The following DNAH5 variants were observed in gnomAD, a reference collection of about 807,000 sequenced individuals.
DNAH5 encodes axonemal beta dynein heavy chain 5.
A neutral mutation model predicts 518.2 loss-of-function variants in DNAH5; 372 were observed. The observed-to-expected ratio is 0.72, with a 90% CI of 0.66 to 0.78. The LOEUF is 0.78. DNAH5 is among the 30% of genes least tolerant of loss of function. DNAH5 has a pLI of 0.00. For synonymous variants in DNAH5, 2,039 were observed against 2,025.9 expected, an observed-to-expected ratio of 1.01 and a Z score of -0.17; for missense variants, 5,523 against 5,687.0, an observed-to-expected ratio of 0.97 and a Z score of 0.93.
chr5:13,814,226 T>C (rs1348728231), intron 43 of DNAH5, among the ~76,000 whole-genome samples: 1 of 152,234 alleles, frequency 6.6e-6, no homozygotes, highest in African/African-American at 2.4e-5. Context: ...CAAGTTAATG[T>C]TCTAAGATGG....
intron 70 of DNAH5, among the ~76,000 whole-genome samples, chr5:13,726,144 T>C (rs1174287019): frequency 6.6e-6 from 1 of 152,222 alleles, no homozygotes; most frequent in Non-Finnish European, 1.5e-5. Context: ...GACCTACTAA[T>C]ATGCTTCCCA....
intron 69 of DNAH5, among the ~76,000 whole-genome samples, chr5:13,728,671 A>G (rs541579098): frequency 6.6e-6 from 1 of 152,348 alleles, no homozygotes; most frequent in Non-Finnish European, 1.5e-5. Context: ...AAAGGATAGC[A>G]GAACATAAGC....
intron 75 of DNAH5, among the ~76,000 whole-genome samples, chr5:13,711,021 G>C (rs184251161): frequency 6.6e-6 from 1 of 152,254 alleles, no homozygotes; most frequent in African/African-American, 2.4e-5. Context: ...ATTCTATGAA[G>C]CCAGCATCAC....
At chr5:13,922,901 T>A (rs1301308831) in intron 4 of DNAH5, among the ~76,000 whole-genome samples, 1 of 151,986 alleles carries the variant, frequency 6.6e-6, no homozygotes, top group African/African-American at 2.4e-5. Context: ...GGAAAACTTG[T>A]ACAGATGCAT....
intron 1 of DNAH5, among the ~76,000 whole-genome samples, chr5:13,967,795 T>G (rs900920769): frequency 7.7e-6 from 1 of 129,114 alleles, no homozygotes; most frequent in Admixed American, 8.2e-5. Flanking sequence ...CACACGGTCA[T>G]TTTCACAATA....
chr5:13,768,718 T>A (rs1007847463), intron 58 of DNAH5, among the ~76,000 whole-genome samples: 12 of 152,238 alleles, frequency 7.9e-5, no homozygotes, highest in African/African-American at 2.9e-4. Flanking sequence ...CCAGGACTCT[T>A]GGCCACCAGT....
intron 15 of DNAH5, among the ~76,000 whole-genome samples, chr5:13,895,351 C>A (rs1773763658): frequency 6.6e-6 from 1 of 152,152 alleles, no homozygotes; most frequent in Admixed American, 6.5e-5. Context: ...GAATTTAAGA[C>A]TAACAGTGTC....
intron 47 of DNAH5, among the ~76,000 whole-genome samples, chr5:13,802,068 A>C (rs1472626): frequency 1.3e-5 from 2 of 148,396 alleles, no homozygotes; most frequent in East Asian, 3.9e-4. Context: ...ACTGATTTTT[A>C]AAAAAAAAAA....
chr5:13,921,475 T>TCTCTCA (rs1554103992), intron 5 of DNAH5, among the ~76,000 whole-genome samples: 3 of 73,768 alleles, frequency 4.1e-5, no homozygotes, highest in Non-Finnish European at 5.9e-5. Context: ...TATCTCTCTC[T>TCTCTCA]CACACACACA....
chr5:13,923,335 A>T lies in DNAH5; in HGVS notation c.383T>A (p.Val128Glu), dbSNP rs752873229. Residue 128 changes from valine (V) to glutamate (E), a missense_variant, in exon 4 of 79, where the codon GTG becomes GAG. Physicochemically the swap from Val to Glu is moderately radical, Grantham distance 121. Transcript: ENST00000265104. ...GNDVALTGVC[V>E]FFIRTDPSKA... ...GGAAGGGTCAGTCCTGATGAAGAAC[A>T]CACATACCCCAGTAAGAGCCACATC... The T allele has an allele frequency of 2.0e-5, 32 of 1,614,024 alleles. No homozygotes were observed. Among genetic ancestry groups the T allele is most frequent in the Non-Finnish European group, 2.5e-5 (29 of 1,180,014 alleles).
chr5:13,720,251 C>A (rs75912013), intron 71 of DNAH5, among the ~76,000 whole-genome samples: 1 of 152,116 alleles, frequency 6.6e-6, no homozygotes, highest in East Asian at 1.9e-4. Context: ...TAAACATTAC[C>A]GTTTGAAAAT....
At chr5:13,908,781 G>C (rs984884174) in intron 12 of DNAH5, among the ~76,000 whole-genome samples, 1 of 152,138 alleles carries the variant, frequency 6.6e-6, no homozygotes, top group Non-Finnish European at 1.5e-5. Flanking sequence ...AGGATTCCAG[G>C]CTCTGATCCC....
chr5:13,809,911 T>C (rs973272039), intron 45 of DNAH5, 148 bp downstream of exon 45: 7 of 820,370 alleles, frequency 8.5e-6, no homozygotes, highest in Non-Finnish European at 1.4e-5. Context: ...AAGAAACCAC[T>C]GTTCACTTTC....
At position 13,993,060 on chromosome 5, in the gene DNAH5, G is replaced by A. The variant is rs905412175; in HGVS notation, c.12+18588C>T. Among the ~76,000 whole-genome samples the A allele has an allele frequency of 7.9e-5, 12 of 152,308 alleles. No individual in the cohort carries two copies. In the East Asian group the frequency reaches 2.3e-3, roughly 29 times the overall value. On this transcript the variant is annotated intron_variant, in intron 1 of 78. Coordinates refer to the DNAH5 transcript ENST00000681290. The stretch of plus-strand genomic sequence containing the variant: ...GGCTATTAGACATAAGCCAATGAAA[G>A]GGCAATGGAAAGTCATAGACACAGA...
chr5:13,884,913 T>TGC, intron 19 of DNAH5, 76 bp downstream of exon 19: 2 of 1,507,656 alleles, frequency 1.3e-6, no homozygotes, highest in Non-Finnish European at 1.8e-6. Flanking sequence ...CGTGCACACG[T>TGC]GCACACACAC....
chr5:13,690,984 C>G lies in DNAH5; in HGVS notation c.*1000G>C, dbSNP rs1740641463. 1 of 152,156 alleles carries G rather than the reference C, an allele frequency of 6.6e-6. No individual in the cohort carries two copies. The highest frequency in any genetic ancestry group is 1.5e-5 in the Non-Finnish European group (1 of 68,030). 9.4% of individuals were successfully genotyped at this position (152,156 alleles called of 1,614,324 possible). ...TATTTGCTGTTATAATCACAGTGTG[C>G]TCAATATTTTGTAAACTAAATCTTT... On this transcript the variant is annotated 3_prime_UTR_variant, in exon 79 of 79. Coordinates refer to ENST00000265104, the MANE Select transcript of DNAH5 (RefSeq NM_001369.3).
chr5:13,885,104 G>C lies in DNAH5; in HGVS notation c.2868C>G (p.Arg956=). The change falls in exon 19 of 79, where the codon CGC becomes CGG. Residue 956 remains arginine (R), a synonymous_variant. Transcript: ENST00000265104. Reference sequence around the variant, plus strand: ...GATGGTTGAAATGAGAGAGTAACTCGCGGGCTTCTTCCCCTAACATCTCAG... The same window carrying C: ...GATGGTTGAAATGAGAGAGTAACTCCCGGGCTTCTTCCCCTAACATCTCAG... ...KETEMLGEEA[R]ELLSHFNHQN... 1 of 1,614,222 alleles carries C rather than the reference G, an allele frequency of 6.2e-7. No homozygotes were observed. Among genetic ancestry groups the C allele is most frequent in the Non-Finnish European group, 8.5e-7 (1 of 1,180,032 alleles).
intron 26 of DNAH5, 144 bp downstream of exon 26, chr5:13,866,069 TAATTGTA>T: frequency 1.1e-6 from 1 of 880,242 alleles, no homozygotes; most frequent in Non-Finnish European, 1.8e-6. Context: ...AAACTACTTC[TAATTGTA>T]ATCCTACAAT....
intron 75 of DNAH5, among the ~76,000 whole-genome samples, chr5:13,714,101 T>C (rs1743971982): frequency 6.6e-6 from 1 of 152,168 alleles, no homozygotes; most frequent in South Asian, 2.1e-4. Context: ...TTTGAACAAA[T>C]GGCAATGTAA....
Sources: gnomAD v4.1 joint callset for allele counts (sites outside exome capture counted in the v4.1 genomes callset) on GRCh38, gnomAD v4.1.1 for gene constraint, MANE v1.5 for transcripts, NCBI Gene and HGNC (gene_info 2026-07-23, HGNC 2026-07-21) for gene names.